Variants in ACTG2 observed in about 807,000 individuals in gnomAD.
The protein encoded by ACTG2 is actin gamma 2, smooth muscle, also known as actin, gamma-enteric smooth muscle.
In ACTG2, 16 loss-of-function variants were observed where a neutral mutation model predicts 37.6. The ratio of observed to expected loss-of-function variants is 0.43; its 90% CI spans 0.29 to 0.65. The LOEUF is 0.65. Ranked by LOEUF, ACTG2 falls within the 30% of genes least tolerant of loss-of-function variation. The pLI, the probability that ACTG2 is intolerant of heterozygous loss-of-function variation, is 0.18. For missense variants in ACTG2, 238 were observed against 490.9 expected, an observed-to-expected ratio of 0.48 and a Z score of 4.87; for synonymous variants, 181 against 179.9, an observed-to-expected ratio of 1.01 and a Z score of -0.05.
intron 5 of ACTG2, 60 bp downstream of exon 5, chr2:73,909,199 G>A: frequency 1.4e-6 from 2 of 1,450,216 alleles, no homozygotes; most frequent in Admixed American, 1.7e-5. Context: ...AAAAGCTGGG[G>A]TCTGGCAGAG....
At position 73,902,503 on chromosome 2, in the gene ACTG2, C is replaced by A. The variant is rs1679913357; in HGVS notation, c.255+15C>A. The A allele has an allele frequency of 6.2e-7, 1 of 1,613,746 alleles. No individual in the cohort carries two copies. Among genetic ancestry groups the A allele is most frequent in the African/African-American group, 1.3e-5 (1 of 74,898 alleles). On this transcript the variant is annotated intron_variant, in intron 3 of 8. Transcript: ENST00000345517. ...ACATGGAGAAGGTATCTGTAGACTT[C>A]CCCTTAATGAGCCTGCTTTAATGAT...
chr2:73,919,304 C>T, intron 8 of ACTG2, 128 bp from the exon 9 acceptor site: 1 of 1,116,016 alleles, frequency 9.0e-7, no homozygotes, highest in Non-Finnish European at 1.3e-6. Flanking sequence ...ATAATCTAAT[C>T]TATCACAATG....
At chr2:73,914,954 A>G in intron 7 of ACTG2, 83 bp downstream of exon 7, 1 of 1,209,920 alleles carries the variant, frequency 8.3e-7, no homozygotes. Context: ...AAACACCAGG[A>G]GTCATGGCCA....
chr2:73,905,549 T>C (rs1679999363), intron 3 of ACTG2, among the ~76,000 whole-genome samples: 1 of 152,108 alleles, frequency 6.6e-6, no homozygotes, highest in Non-Finnish European at 1.5e-5. Flanking sequence ...TTAAACTCAT[T>C]TGAAACAAAA....
intron 6 of ACTG2, among the ~76,000 whole-genome samples, 156 bp from the exon 7 acceptor site, chr2:73,914,524 A>G (rs1470603959): frequency 6.7e-6 from 1 of 150,042 alleles, no homozygotes; most frequent in African/African-American, 2.5e-5. Flanking sequence ...GCACCACTGC[A>G]CTTCAGTCTG....
chr2:73,902,558 G>A (rs1679915700), intron 3 of ACTG2, 70 bp downstream of exon 3: 1 of 1,595,840 alleles, frequency 6.3e-7, no homozygotes, highest in Non-Finnish European at 8.5e-7. Context: ...CGTATTCATA[G>A]GCCACTGTGC....
chr2:73,919,471 G>A lies in ACTG2; in HGVS notation c.1027G>A (p.Gly343Arg), dbSNP rs1307778023. ...PPERKYSVWI[G>R]GSILASLSTF... ...AGAGCGGAAGTACTCAGTCTGGATCGGGGGCTCTATCCTGGCCTCTCTCTC... is the reference window on the plus strand; with the variant it reads ...AGAGCGGAAGTACTCAGTCTGGATCAGGGGCTCTATCCTGGCCTCTCTCTC... The change falls in exon 9 of 9, where the codon GGG (glycine) becomes AGG (arginine). Residue 343 changes from glycine (G) to arginine (R), a missense_variant. Coordinates refer to ENST00000345517, the MANE Select transcript of ACTG2 (RefSeq NM_001615.4). 1.2e-6 allele frequency: 2 copies of A among 1,613,814 alleles called. No individual in the cohort carries two copies. The highest frequency in any genetic ancestry group is 1.3e-5 in the African/African-American group (1 of 74,868).
chr2:73,904,773 G>GTATA (rs1679979413), intron 3 of ACTG2, among the ~76,000 whole-genome samples: 20 of 20,086 alleles, frequency 1.0e-3, no homozygotes, highest in East Asian at 3.2e-3. Flanking sequence ...GTGTGTGTGT[G>GTATA]TGTGTATATA....
At chr2:73,901,500 G>T (rs1299860930) in intron 2 of ACTG2, 63 bp downstream of exon 2, 1 of 1,558,540 alleles carries the variant, frequency 6.4e-7, no homozygotes, top group Non-Finnish European at 8.7e-7. Flanking sequence ...GCACTGTGGA[G>T]ACCCTGCTGA....
At chr2:73,902,031 G>GTGTGTGTC (rs761402621) in intron 2 of ACTG2, among the ~76,000 whole-genome samples, 1 of 100,246 alleles carries the variant, frequency 1.0e-5, no homozygotes, top group Non-Finnish European at 2.2e-5. Flanking sequence ...GTGTGTGTGT[G>GTGTGTGTC]TGTGTGTGTC....
chr2:73,904,795 AT>A (rs1679983536), intron 3 of ACTG2, among the ~76,000 whole-genome samples: 1 of 108,100 alleles, frequency 9.3e-6, no homozygotes, highest in Non-Finnish European at 1.9e-5. Context: ...ATATATATAT[AT>A]ATATATATAT....
intron 7 of ACTG2, 90 bp from the exon 8 acceptor site, chr2:73,916,494 G>C (rs751445488): frequency 1.3e-4 from 153 of 1,200,776 alleles, no homozygotes; most frequent in Non-Finnish European, 1.5e-4. Flanking sequence ...TAGGGTAGTT[G>C]CAACAATCGA....
At chr2:73,898,931 T>C (rs1053196918) in intron 1 of ACTG2, among the ~76,000 whole-genome samples, 3 of 150,852 alleles carry the variant, frequency 2.0e-5, no homozygotes, top group Non-Finnish European at 4.4e-5. Flanking sequence ...GCCTCCCGAG[T>C]AGCTGGGACT....
intron 5 of ACTG2, among the ~76,000 whole-genome samples, chr2:73,912,097 C>T (rs1174550329): frequency 6.6e-6 from 1 of 152,206 alleles, no homozygotes; most frequent in East Asian, 1.9e-4. Flanking sequence ...GTGATAAGGA[C>T]AATGATGGAG....
intron 1 of ACTG2, among the ~76,000 whole-genome samples, chr2:73,898,366 T>TTTTTTTTTTTTTTTTTTTTTTGAGACGGA (rs1481747110): frequency 1.4e-5 from 2 of 143,766 alleles, no homozygotes; most frequent in Non-Finnish European, 3.1e-5. Context: ...CCTTTTCTAT[T>TTTTTTTTTTTTTTTTTTTTTTGAGACGGA]GTATTAAATA....
In ACTG2 at chr2:73,901,160, G is replaced by C. The variant is rs554679306; in HGVS notation, c.-36-116G>C. 2.2e-4 allele frequency: 185 copies of C among 826,166 alleles called. No homozygotes were observed. In the African/African-American group the frequency reaches 2.9e-3, roughly 13 times the overall value. The allele number at this position is 826,166 out of a possible 1,614,324, so 51.2% of individuals were successfully genotyped here. A position where few individuals can be genotyped will look rare whatever the true frequency, so the allele number is the denominator to read the frequency against. ...TGAGTGGGAGGCCAAGCCCATGCCT[G>C]TCCCTCCTGGAAGTGTGCCCTGATT... On this transcript the variant is annotated intron_variant, in intron 1 of 8. Transcript: ENST00000345517.
At chr2:73,915,802 T>C (rs999107380) in intron 7 of ACTG2, among the ~76,000 whole-genome samples, 1 of 152,154 alleles carries the variant, frequency 6.6e-6, no homozygotes, top group Non-Finnish European at 1.5e-5. Context: ...TGGTGTATGA[T>C]TCCATTGACA....
chr2:73,904,914 C>T (rs964946233), intron 3 of ACTG2, among the ~76,000 whole-genome samples: 2 of 149,616 alleles, frequency 1.3e-5, no homozygotes, highest in African/African-American at 4.9e-5. Flanking sequence ...AATTATGTGA[C>T]ATAATTCTAA....
At position 73,907,585 on chromosome 2, in the gene ACTG2, G is replaced by C. The variant is rs965392518; in HGVS notation, c.256-1088G>C. Among the ~76,000 whole-genome samples, 57 of 152,126 alleles carry C rather than the reference G, an allele frequency of 3.7e-4. 1 individual carries two copies. Among genetic ancestry groups the C allele is most frequent in the Non-Finnish European group, 1.2e-4 (8 of 68,020 alleles). ...CAGCCTTGACCTCCTGGGCTCAAGC[G>C]ATCCTCCTGCCCCAGCCTCCTGAGT... On this transcript the variant is annotated intron_variant, in intron 3 of 8. Coordinates refer to ENST00000345517, the MANE Select transcript of ACTG2 (RefSeq NM_001615.4).
Sources: gnomAD v4.1 joint callset for allele counts (sites outside exome capture counted in the v4.1 genomes callset) on GRCh38, gnomAD v4.1.1 for gene constraint, MANE v1.5 for transcripts, NCBI Gene and HGNC (gene_info 2026-07-23, HGNC 2026-07-21) for gene names.